CNTNAP5: variants seen among roughly 807,000 people sequenced by gnomAD.
The protein encoded by CNTNAP5 is contactin associated protein family member 5.
CNTNAP5 carries 72 observed loss-of-function variants against 150.2 expected under a neutral mutation model. The observed-to-expected ratio is 0.48, with a 90% CI of 0.40 to 0.58. CNTNAP5 has a LOEUF of 0.58. Among genes scored for constraint, CNTNAP5 ranks in the 20% least tolerant of loss-of-function variants. The pLI is 0.00. For missense variants in CNTNAP5, 1,636 were observed against 1,626.2 expected (o/e 1.01, Z -0.10); for synonymous variants, 672 against 619.8 (o/e 1.08, Z -1.25).
At chr2:124,693,968 C>T (rs886070685) in intron 13 of CNTNAP5, among the ~76,000 whole-genome samples, 5 of 152,004 alleles carry the variant, frequency 3.3e-5, no homozygotes, top group African/African-American at 1.2e-4. Flanking sequence ...AAGACACTTG[C>T]CTGACCCATG....
chr2:124,297,069 G>A (rs527847916), intron 3 of CNTNAP5, among the ~76,000 whole-genome samples: 1 of 152,264 alleles, frequency 6.6e-6, no homozygotes, highest in African/African-American at 2.4e-5. Context: ...TCTGGCATCA[G>A]CAAAAATGGA....
intron 13 of CNTNAP5, among the ~76,000 whole-genome samples, chr2:124,691,862 C>T (rs1558737348): frequency 6.6e-6 from 1 of 152,104 alleles, no homozygotes; most frequent in Non-Finnish European, 1.5e-5. Flanking sequence ...TGTCTGTGCA[C>T]TCTGCTCTTC....
At chr2:124,655,994 A>AGAAAGAAAGAAAGAAG (rs1678445052) in intron 13 of CNTNAP5, among the ~76,000 whole-genome samples, 1 of 143,416 alleles carries the variant, frequency 7.0e-6, no homozygotes, top group Non-Finnish European at 1.6e-5. Context: ...AAAGAAAGAA[A>AGAAAGAAAGAAAGAAG]GAAAAAAGGA....
intron 1 of CNTNAP5, among the ~76,000 whole-genome samples, chr2:124,080,642 C>T (rs1203029191): frequency 6.6e-6 from 1 of 152,132 alleles, no homozygotes; most frequent in African/African-American, 2.4e-5. Flanking sequence ...TCCCCAAATC[C>T]ATTCTATAAA....
At chr2:124,285,825 G>A (rs1485338178) in intron 3 of CNTNAP5, among the ~76,000 whole-genome samples, 6 of 151,628 alleles carry the variant, frequency 4.0e-5, no homozygotes, top group South Asian at 2.1e-4. Flanking sequence ...ACAAACAAAC[G>A]AAAAACAAGA....
chr2:124,199,097 TC>T (rs1162311314), intron 1 of CNTNAP5, among the ~76,000 whole-genome samples: 1 of 152,160 alleles, frequency 6.6e-6, no homozygotes, highest in African/African-American at 2.4e-5. Flanking sequence ...ATTATTTTCT[TC>T]TTTTTCAGGA....
At chr2:124,630,558 T>G (rs912753215) in intron 12 of CNTNAP5, among the ~76,000 whole-genome samples, 1 of 152,152 alleles carries the variant, frequency 6.6e-6, no homozygotes, top group African/African-American at 2.4e-5. Context: ...AATCTAGGTA[T>G]TGAAGGAACA....
At chr2:124,826,781 CT>C (rs771884911) in intron 19 of CNTNAP5, among the ~76,000 whole-genome samples, 2 of 152,280 alleles carry the variant, frequency 1.3e-5, no homozygotes, top group African/African-American at 4.8e-5. Context: ...TGAAACACCC[CT>C]GAGATAGCGC....
intron 21 of CNTNAP5, among the ~76,000 whole-genome samples, chr2:124,884,100 G>A (rs1678029397): frequency 6.6e-6 from 1 of 152,054 alleles, no homozygotes; most frequent in Admixed American, 6.5e-5. Context: ...CTGTGTGCAT[G>A]TACATGTGTG....
intron 3 of CNTNAP5, among the ~76,000 whole-genome samples, chr2:124,255,574 TAAAATAA>T (rs1558821601): frequency 4.2e-5 from 2 of 47,444 alleles, no homozygotes; most frequent in African/African-American, 7.1e-5. Context: ...TAAAATAAAA[TAAAATAA>T]AATAATAATT....
chr2:124,049,837 G>A (rs1442336020), intron 1 of CNTNAP5, among the ~76,000 whole-genome samples: 1 of 152,152 alleles, frequency 6.6e-6, no homozygotes, highest in Non-Finnish European at 1.5e-5. Context: ...CTCTGAGTCA[G>A]GCAGATTCAA....
intron 19 of CNTNAP5, among the ~76,000 whole-genome samples, chr2:124,818,599 T>G (rs1227338641): frequency 6.6e-6 from 1 of 152,072 alleles, no homozygotes; most frequent in Non-Finnish European, 1.5e-5. Context: ...CAAGACAAAT[T>G]CTGAATCCAA....
intron 3 of CNTNAP5, among the ~76,000 whole-genome samples, chr2:124,274,102 G>T (rs1433762588): frequency 6.6e-6 from 1 of 152,138 alleles, no homozygotes; most frequent in Non-Finnish European, 1.5e-5. Flanking sequence ...TTCAATATAT[G>T]ATAATTCAAA....
At chr2:124,370,109 T>C (rs1690485715) in intron 3 of CNTNAP5, among the ~76,000 whole-genome samples, 1 of 152,176 alleles carries the variant, frequency 6.6e-6, no homozygotes, top group African/African-American at 2.4e-5. Context: ...ATAAATTCTC[T>C]GATGAGAAAA....
intron 10 of CNTNAP5, among the ~76,000 whole-genome samples, chr2:124,533,126 C>T (rs918029355): frequency 1.3e-5 from 2 of 151,932 alleles, no homozygotes; most frequent in African/African-American, 4.8e-5. Flanking sequence ...TAGGAAAGCA[C>T]TCATAAATTT....
At chr2:124,703,724 G>C (rs902087887) in intron 13 of CNTNAP5, among the ~76,000 whole-genome samples, 1 of 152,114 alleles carries the variant, frequency 6.6e-6, no homozygotes, top group Non-Finnish European at 1.5e-5. Context: ...ATTCTGCCCA[G>C]GTCTCATCTC....
At chr2:124,632,706 G>GA (rs35334854) in intron 12 of CNTNAP5, among the ~76,000 whole-genome samples, 33 of 148,934 alleles carry the variant, frequency 2.2e-4, no homozygotes, top group South Asian at 2.1e-3. Context: ...CCTGTAACTT[G>GA]AAAAAAAAAA....
chr2:124,106,685 G>A (rs2104701697), intron 1 of CNTNAP5, among the ~76,000 whole-genome samples: 1 of 152,254 alleles, frequency 6.6e-6, no homozygotes, highest in African/African-American at 2.4e-5. Context: ...ATTAAGTAAA[G>A]TGCTTACTTG....
chr2:124,578,156 C>CAAAAAAAAAAAA (rs556786620), intron 11 of CNTNAP5, among the ~76,000 whole-genome samples: 18 of 69,404 alleles, frequency 2.6e-4, no homozygotes, highest in East Asian at 4.2e-4. Context: ...ACTAAAAATA[C>CAAAAAAAAAAAA]AAAAAAAAAA....
Sources: gnomAD v4.1 joint callset for allele counts (sites outside exome capture counted in the v4.1 genomes callset) on GRCh38, gnomAD v4.1.1 for gene constraint, MANE v1.5 for transcripts, NCBI Gene and HGNC (gene_info 2026-07-23, HGNC 2026-07-21) for gene names.